The following HSPA12A variants were observed in gnomAD, a reference collection of about 807,000 sequenced individuals.
HSPA12A encodes the protein heat shock 70 kDa protein 12A.
In HSPA12A, 28 loss-of-function variants were observed where a neutral mutation model predicts 69.2. The ratio of observed to expected loss-of-function variants is 0.40; its 90% CI spans 0.30 to 0.55. The LOEUF is 0.55. HSPA12A is among the 20% of genes least tolerant of loss of function. The pLI is 0.38. For synonymous variants in HSPA12A, 345 were observed against 370.5 expected, an observed-to-expected ratio of 0.93 and a Z score of 0.79; for missense variants, 686 against 900.7, an observed-to-expected ratio of 0.76 and a Z score of 3.05.
At chr10:116,807,239 C>T (rs1589718228) in intron 2 of HSPA12A, among the ~76,000 whole-genome samples, 1 of 152,154 alleles carries the variant, frequency 6.6e-6, no homozygotes, top group East Asian at 1.9e-4. Context: ...AGAGGCCAGA[C>T]ATGAAATCTC....
chr10:116,806,491 G>C (rs1368509632), intron 2 of HSPA12A, among the ~76,000 whole-genome samples: 1 of 152,198 alleles, frequency 6.6e-6, no homozygotes, highest in African/African-American at 2.4e-5. Context: ...ACAGGCATGA[G>C]CCACCTCACC....
At chr10:116,812,336 C>T (rs1370630490) in intron 2 of HSPA12A, among the ~76,000 whole-genome samples, 1 of 151,830 alleles carries the variant, frequency 6.6e-6, no homozygotes, top group African/African-American at 2.4e-5. Context: ...GCCTGTAATC[C>T]CAGCTACTCA....
At chr10:116,821,594 G>A (rs1845410126) in intron 2 of HSPA12A, among the ~76,000 whole-genome samples, 1 of 152,252 alleles carries the variant, frequency 6.6e-6, no homozygotes, top group South Asian at 2.1e-4. Context: ...GAAGCCCCAT[G>A]AGGGCAGGGA....
chr10:116,802,961 C>T (rs953023346), intron 2 of HSPA12A, among the ~76,000 whole-genome samples: 9 of 152,184 alleles, frequency 5.9e-5, no homozygotes, highest in South Asian at 2.1e-4. Flanking sequence ...GGTTCCCGAA[C>T]GAAGGAGACC....
Position 116,674,756 on chromosome 10 carries a change from G to T in HSPA12A, c.*25C>A. On this transcript the variant is annotated 3_prime_UTR_variant, in exon 12 of 12. Transcript: ENST00000369209. Reference sequence around the variant, plus strand: ...GCAGATGCAGATAAGTTGAGTCCAAGGGGACAGGCAGCGGGGCGGGAGGGT... The same window carrying T: ...GCAGATGCAGATAAGTTGAGTCCAATGGGACAGGCAGCGGGGCGGGAGGGT... 1 of 1,586,436 alleles carries T rather than the reference G, an allele frequency of 6.3e-7. No individual in the cohort carries two copies. The highest frequency in any genetic ancestry group is 1.1e-5 in the South Asian group (1 of 89,074).
At chr10:116,730,338 G>A (rs879994876) in intron 1 of HSPA12A, among the ~76,000 whole-genome samples, 1 of 152,220 alleles carries the variant, frequency 6.6e-6, no homozygotes, top group Non-Finnish European at 1.5e-5. Flanking sequence ...GATCTAGAGA[G>A]GTTGAATACC....
intron 2 of HSPA12A, among the ~76,000 whole-genome samples, chr10:116,833,636 G>A (rs571977343): frequency 6.6e-6 from 1 of 152,240 alleles, no homozygotes; most frequent in South Asian, 2.1e-4. Context: ...GAGCACCTAC[G>A]ATGTGACAGG....
chr10:116,810,695 T>C (rs1330295201), intron 2 of HSPA12A, among the ~76,000 whole-genome samples: 1 of 152,136 alleles, frequency 6.6e-6, no homozygotes, highest in Non-Finnish European at 1.5e-5. Flanking sequence ...TCCAAAACTA[T>C]TGAATCAGAA....
At chr10:116,740,399 A>C (rs895031943) in intron 1 of HSPA12A, among the ~76,000 whole-genome samples, 2 of 152,186 alleles carry the variant, frequency 1.3e-5, no homozygotes, top group Non-Finnish European at 2.9e-5. Context: ...CACATCCTCC[A>C]TTTTACAGAT....
chr10:116,839,392 C>T (rs970440056), intron 1 of HSPA12A, among the ~76,000 whole-genome samples: 3 of 152,106 alleles, frequency 2.0e-5, no homozygotes, highest in Non-Finnish European at 2.9e-5. Context: ...TTACGTGCTG[C>T]AAAGTCTCCT....
In HSPA12A at chr10:116,692,479, G is replaced by C; in HGVS notation, c.547-12C>G. On this transcript the variant is annotated splice_polypyrimidine_tract_variant and intron_variant, in intron 5 of 11. Transcript: ENST00000369209. ...TGGTCACTCAGCTCCTGAAGCCAAG[G>C]GAAAGAAATGCAACAGGTCAAGTGG... 2 of 1,602,776 alleles carry C rather than the reference G, an allele frequency of 1.2e-6. No individual in the cohort carries two copies. The highest frequency in any genetic ancestry group is 2.2e-5 in the South Asian group (2 of 90,720).
At chr10:116,684,269 G>GGGGA (rs1414964862) in intron 6 of HSPA12A, among the ~76,000 whole-genome samples, 2 of 152,160 alleles carry the variant, frequency 1.3e-5, no homozygotes, top group Non-Finnish European at 2.9e-5. Context: ...GCAGCACCAT[G>GGGGA]GGGAGGAGCG....
upstream of HSPA12A, chr10:116,849,832 A>G (rs1013510629): frequency 3.8e-6 from 5 of 1,331,936 alleles, no homozygotes; most frequent in East Asian, 1.3e-4. Flanking sequence ...AGAATCTCGC[A>G]TGCCAGCCGC....
chr10:116,792,701 C>T (rs889543143), intron 2 of HSPA12A, among the ~76,000 whole-genome samples: 7 of 150,802 alleles, frequency 4.6e-5, no homozygotes, highest in Admixed American at 4.0e-4. Context: ...GTGGAAGGAT[C>T]GCTTGAACCC....
At chr10:116,798,803 C>T (rs1379480278) in intron 2 of HSPA12A, among the ~76,000 whole-genome samples, 1 of 152,178 alleles carries the variant, frequency 6.6e-6, no homozygotes, top group Admixed American at 6.5e-5. Context: ...ATTGGCCCAC[C>T]TCTTTGAACT....
chr10:116,740,678 G>GTGTC (rs1564804005), intron 1 of HSPA12A, among the ~76,000 whole-genome samples: 5 of 50,606 alleles, frequency 9.9e-5, no homozygotes, highest in African/African-American at 3.8e-4. Flanking sequence ...GTGTGTGTCT[G>GTGTC]TGTGTGTGTG....
At chr10:116,836,196 C>T (rs2133216021) in intron 1 of HSPA12A, among the ~76,000 whole-genome samples, 1 of 152,282 alleles carries the variant, frequency 6.6e-6, no homozygotes, top group East Asian at 1.9e-4. Context: ...CCTCTCCTCT[C>T]CAGCTGCGGA....
intron 2 of HSPA12A, among the ~76,000 whole-genome samples, chr10:116,797,724 C>T (rs1286805180): frequency 6.6e-6 from 1 of 152,104 alleles, no homozygotes; most frequent in Non-Finnish European, 1.5e-5. Flanking sequence ...CAGAGGATGG[C>T]GTCAACTGCT....
intron 2 of HSPA12A, among the ~76,000 whole-genome samples, chr10:116,762,781 G>A (rs1189168364): frequency 1.3e-5 from 2 of 151,972 alleles, no homozygotes; most frequent in East Asian, 1.9e-4. Context: ...ATGGAGTTTC[G>A]CCATGTTGGC....
Sources: gnomAD v4.1 joint callset for allele counts (sites outside exome capture counted in the v4.1 genomes callset) on GRCh38, gnomAD v4.1.1 for gene constraint, MANE v1.5 for transcripts, NCBI Gene and HGNC (gene_info 2026-07-23, HGNC 2026-07-21) for gene names.